PUM1: variants seen among roughly 807,000 people sequenced by gnomAD.
PUM1 encodes the protein pumilio homolog 1.
Under a neutral mutation model 131.8 loss-of-function variants are expected in PUM1, and 13 were observed. That is an observed-to-expected ratio of 0.10 (90% CI 0.06 to 0.16). The LOEUF is 0.16. PUM1 is among the 10% of genes least tolerant of loss of function. The probability of loss-of-function intolerance (pLI) is 1.00; values close to 1 mark genes in which losing one functional copy is unlikely to be tolerated. For synonymous variants in PUM1, 509 were observed against 556.5 expected (o/e 0.91, Z 1.20); for missense variants, 961 against 1,512.4 (o/e 0.64, Z 6.05).
At chr1:31,046,786 C>T (rs1643979705) in intron 2 of PUM1, among the ~76,000 whole-genome samples, 1 of 152,078 alleles carries the variant, frequency 6.6e-6, no homozygotes, top group Admixed American at 6.6e-5. Flanking sequence ...CAAGTACCAA[C>T]ACATTTACAC....
At chr1:30,974,231 C>A (rs78284465) in intron 10 of PUM1, among the ~76,000 whole-genome samples, 4,802 of 152,180 alleles carry the variant, frequency 0.032, 199 homozygotes, top group East Asian at 0.19. Flanking sequence ...GATTTACATC[C>A]AATCCAATCC....
At chr1:30,963,553 C>T (rs960207462) in intron 14 of PUM1, among the ~76,000 whole-genome samples, 2 of 152,300 alleles carry the variant, frequency 1.3e-5, no homozygotes, top group Admixed American at 1.3e-4. Flanking sequence ...ACTCCTAGGT[C>T]TAGAATAATA....
intron 2 of PUM1, among the ~76,000 whole-genome samples, chr1:31,058,256 A>C (rs1205401159): frequency 6.6e-6 from 1 of 152,190 alleles, no homozygotes; most frequent in African/African-American, 2.4e-5. Flanking sequence ...CAAGTCACCC[A>C]CACCCAAGAG....
intron 2 of PUM1, among the ~76,000 whole-genome samples, chr1:31,043,595 G>C (rs1469038087): frequency 1.3e-5 from 2 of 152,000 alleles, no homozygotes; most frequent in Admixed American, 6.6e-5. Context: ...AAAATTCTTA[G>C]GGAACTTGCT....
chr1:31,062,202 C>G (rs1187936532), intron 1 of PUM1, among the ~76,000 whole-genome samples: 1 of 152,184 alleles, frequency 6.6e-6, no homozygotes, highest in African/African-American at 2.4e-5. Context: ...TTTGTATCCT[C>G]TACTCCTCTG....
At chr1:31,029,714 G>A (rs1253864016) in intron 2 of PUM1, among the ~76,000 whole-genome samples, 3 of 152,074 alleles carry the variant, frequency 2.0e-5, no homozygotes, top group South Asian at 2.1e-4. Context: ...TATTAAAGAC[G>A]TAGGCTCCCA....
chr1:30,994,270 T>C (rs1641907319), intron 6 of PUM1, among the ~76,000 whole-genome samples: 1 of 152,082 alleles, frequency 6.6e-6, no homozygotes. Flanking sequence ...GCACACACAT[T>C]AGCTTTACAC....
intron 2 of PUM1, among the ~76,000 whole-genome samples, chr1:31,042,853 C>T (rs1406683568): frequency 6.6e-6 from 1 of 152,222 alleles, no homozygotes; most frequent in Non-Finnish European, 1.5e-5. Context: ...CAGACTCCAC[C>T]TCCAAGAGTC....
intron 3 of PUM1, among the ~76,000 whole-genome samples, chr1:31,022,219 A>G (rs1336684663): frequency 3.3e-5 from 5 of 152,232 alleles, no homozygotes; most frequent in African/African-American, 7.2e-5. Context: ...TGGGAGATTC[A>G]TATCGATAAT....
chr1:30,972,388 G>A (rs1640935127), intron 10 of PUM1, among the ~76,000 whole-genome samples: 2 of 32 alleles, frequency 0.062, 1 homozygote, highest in Non-Finnish European at 0.11. Context: ...GGAGGGGAGG[G>A]GAGGGGAGGG....
chr1:31,049,831 T>C, intron 2 of PUM1, among the ~76,000 whole-genome samples: 1 of 131,486 alleles, frequency 7.6e-6, no homozygotes, highest in Non-Finnish European at 1.6e-5. Flanking sequence ...TCCTTTTTTT[T>C]TTTTTTTTTT....
chr1:30,977,377 C>T (rs1165017868), intron 9 of PUM1, among the ~76,000 whole-genome samples: 3 of 152,148 alleles, frequency 2.0e-5, no homozygotes, highest in Non-Finnish European at 2.9e-5. Context: ...TTGCAACCTG[C>T]AATAATAGTC....
chr1:31,012,211 C>CT (rs1022836352), intron 3 of PUM1, among the ~76,000 whole-genome samples: 5 of 77,484 alleles, frequency 6.5e-5, no homozygotes, highest in African/African-American at 4.5e-4. Flanking sequence ...GTTTTTTTTC[C>CT]TTAAAAAAAA....
At chr1:31,005,746 A>T in intron 5 of PUM1, 107 bp downstream of exon 5, 1 of 1,073,286 alleles carries the variant, frequency 9.3e-7, no homozygotes, top group Non-Finnish European at 1.3e-6. Flanking sequence ...AATGCTGTGA[A>T]CATCTAAGGA....
In PUM1 at chr1:31,059,311, G is replaced by C; in HGVS notation, c.256C>G (p.Gln86Glu). Residue 86 changes from glutamine (Q) to glutamate (E), a missense_variant, in exon 2 of 22, where the codon CAG becomes GAG. Transcript: ENST00000426105. ...QDDAMVDYFF[Q>E]RQHGEQLGGG... The stretch of plus-strand genomic sequence containing the variant: ...CCAAGCTGCTCACCATGCTGCCTCT[G>C]AAAGAAGTAGTCCACCATAGCGTCG... 6.2e-7 allele frequency: 1 copy of C among 1,614,156 alleles called. No individual in the cohort carries two copies. The highest frequency in any genetic ancestry group is 8.5e-7 in the Non-Finnish European group (1 of 1,180,026).
In PUM1 at chr1:31,026,257, T is replaced by C. The variant is rs1557592438; in HGVS notation, c.432+2539A>G. Among the ~76,000 whole-genome samples, 4 of 139,950 alleles carry C rather than the reference T, an allele frequency of 2.9e-5. No individual in the cohort carries two copies. The Admixed American group carries it at 2.9e-4, about 10-fold the overall frequency. The allele number at this position is 139,950 out of a possible 152,430, so 91.8% of individuals were successfully genotyped here. On this transcript the variant is annotated intron_variant, in intron 3 of 21. Coordinates refer to ENST00000426105, the MANE Select transcript of PUM1 (RefSeq NM_001020658.2). ...GGTGACAGAGTGAGACTCAGTCTCT[T>C]AAAAAAAAAAAAAAGAAAAGGAAAA...
intron 14 of PUM1, among the ~76,000 whole-genome samples, chr1:30,959,349 C>T (rs935835365): frequency 6.6e-6 from 1 of 152,180 alleles, no homozygotes; most frequent in East Asian, 1.9e-4. Flanking sequence ...TTCATTAATA[C>T]AGATTCAAAA....
intron 14 of PUM1, among the ~76,000 whole-genome samples, chr1:30,955,671 G>T (rs1006158449): frequency 6.6e-6 from 1 of 151,972 alleles, no homozygotes; most frequent in Non-Finnish European, 1.5e-5. Flanking sequence ...AAAAACCCAC[G>T]AGAAAAGTCA....
Position 30,967,270 on chromosome 1 carries a change from A to C in PUM1, c.1686T>G (p.Thr562=). 1 of 1,614,084 alleles carries C rather than the reference A, an allele frequency of 6.2e-7. No individual in the cohort carries two copies. The highest frequency in any genetic ancestry group is 8.5e-7 in the Non-Finnish European group (1 of 1,179,934). Residue 562 remains threonine (T), a synonymous_variant, in exon 12 of 22, where the codon ACT becomes ACG. Transcript: ENST00000426105. Reference sequence around the variant, plus strand: ...CGCCTGCATTCACTACAAGGGCACCAGTTTGGTCATAGTAAGCAGCAGGAG... The same window carrying C: ...CGCCTGCATTCACTACAAGGGCACCCGTTTGGTCATAGTAAGCAGCAGGAG... The part of the protein sequence containing the change: ...VLAPAAYYDQ[T]GALVVNAGAR...
Sources: allele counts gnomAD v4.1 joint callset (sites outside exome capture counted in the v4.1 genomes callset), GRCh38; gene constraint gnomAD v4.1.1; transcripts MANE v1.5; gene names NCBI Gene and HGNC (gene_info 2026-07-23, HGNC 2026-07-21).